HIVEP2: variants seen among roughly 807,000 people sequenced by gnomAD.
HIVEP2 encodes HIVEP zinc finger 2, also known as transcription factor HIVEP2.
HIVEP2 carries 14 observed loss-of-function variants against 180.7 expected under a neutral mutation model. That is an observed-to-expected ratio of 0.08 (90% confidence interval 0.05 to 0.12). HIVEP2 has a LOEUF of 0.12. HIVEP2 is among the 10% of genes least tolerant of loss of function. The pLI, the probability that HIVEP2 is intolerant of heterozygous loss-of-function variation, is 1.00. For synonymous variants in HIVEP2, 1,184 were observed against 1,136.4 expected, an observed-to-expected ratio of 1.04 and a Z score of -0.84; for missense variants, 2,579 against 3,008.5, an observed-to-expected ratio of 0.86 and a Z score of 3.34.
chr6:142,803,598 A>ACACACACACAC (rs1252252380), intron 2 of HIVEP2, among the ~76,000 whole-genome samples: 12 of 41,820 alleles, frequency 2.9e-4, no homozygotes, highest in African/African-American at 7.4e-4. Context: ...CACACACACA[A>ACACACACACAC]AACTCAGGAC....
chr6:142,935,506 G>A (rs181765393), intron 1 of HIVEP2, among the ~76,000 whole-genome samples: 15 of 152,172 alleles, frequency 9.9e-5, no homozygotes, highest in Middle Eastern at 3.4e-3. Context: ...GGCCCAGATC[G>A]CACCACTGCA....
chr6:142,803,566 T>TACACACACACACAC (rs10688831), intron 2 of HIVEP2, among the ~76,000 whole-genome samples: 50,589 of 141,236 alleles, frequency 0.36, 10,268 homozygotes, highest in Non-Finnish European at 0.46. Context: ...ATATATAGCA[T>TACACACACACACAC]ACACACACAC....
chr6:142,813,973 G>A (rs1187364791), intron 2 of HIVEP2, among the ~76,000 whole-genome samples: 1 of 151,830 alleles, frequency 6.6e-6, no homozygotes, highest in Non-Finnish European at 1.5e-5. Context: ...TGATGAATAA[G>A]ACATAGCCCT....
In HIVEP2 at chr6:142,753,600, T is replaced by A; in HGVS notation, c.6848A>T (p.Glu2283Val). ...KDPYVLSKQH[E>V]KRGPHALQSS... ...CTGCAAAGCGTGAGGACCTCGCTTC[T>A]CATGCTGCTTAGAAAGCACATAGGG... Residue 2283 changes from glutamate (E) to valine (V), a missense_variant, in exon 10 of 10, where the codon GAG becomes GTG. By Grantham distance (121) the Glu-to-Val change is moderately radical. Around this residue, in one of 11 missense-constraint regions of HIVEP2, gnomAD observed 660 missense variants for 731.7 expected, o/e 0.90. Coordinates refer to ENST00000367603, the MANE Select transcript of HIVEP2 (RefSeq NM_006734.4). 6.2e-7 allele frequency: 1 copy of A among 1,614,182 alleles called. No homozygotes were observed. The highest frequency in any genetic ancestry group is 8.5e-7 in the Non-Finnish European group (1 of 1,180,022).
intron 2 of HIVEP2, among the ~76,000 whole-genome samples, chr6:142,816,876 GT>G (rs1562247920): frequency 8.0e-4 from 90 of 111,928 alleles, no homozygotes; most frequent in African/African-American, 2.5e-3. Flanking sequence ...ACCAGAGGGT[GT>G]GTGTGTGTGT....
intron 1 of HIVEP2, among the ~76,000 whole-genome samples, chr6:142,845,053 T>C (rs1775473154): frequency 1.3e-5 from 2 of 152,228 alleles, no homozygotes; most frequent in Admixed American, 6.5e-5. Context: ...AGAAAAGAGC[T>C]GGTAAGATTT....
intron 1 of HIVEP2, among the ~76,000 whole-genome samples, chr6:142,907,569 T>C (rs930893012): frequency 6.6e-6 from 1 of 152,200 alleles, no homozygotes; most frequent in Non-Finnish European, 1.5e-5. Flanking sequence ...CCTTTTCACC[T>C]CTGTAATTTG....
intron 1 of HIVEP2, among the ~76,000 whole-genome samples, chr6:142,880,064 G>A (rs1469669387): frequency 6.6e-6 from 1 of 151,886 alleles, no homozygotes; most frequent in African/African-American, 2.4e-5. Flanking sequence ...TCCTATAATG[G>A]TGCTTTTCTT....
At chr6:142,868,429 C>A (rs1776201244) in intron 1 of HIVEP2, among the ~76,000 whole-genome samples, 1 of 152,154 alleles carries the variant, frequency 6.6e-6, no homozygotes, top group Non-Finnish European at 1.5e-5. Flanking sequence ...ATGTCTATAT[C>A]CCTATAATAA....
chr6:142,877,584 G>A (rs1317353855), intron 1 of HIVEP2, among the ~76,000 whole-genome samples: 1 of 151,776 alleles, frequency 6.6e-6, no homozygotes, highest in East Asian at 1.9e-4. Flanking sequence ...CCAATGTATT[G>A]TGCATCATTC....
At chr6:142,801,132 C>A (rs1366554247) in intron 2 of HIVEP2, among the ~76,000 whole-genome samples, 1 of 135,050 alleles carries the variant, frequency 7.4e-6, no homozygotes, top group Non-Finnish European at 1.5e-5. Context: ...CTCTGCAGGT[C>A]AGAAGAGAGG....
At chr6:142,800,193 G>C (rs982710799) in intron 2 of HIVEP2, among the ~76,000 whole-genome samples, 35 of 152,136 alleles carry the variant, frequency 2.3e-4, no homozygotes, top group African/African-American at 8.4e-4. Flanking sequence ...ATTAAACCTA[G>C]GAAGACAGCA....
chr6:142,787,837 T>C (rs1234025306), intron 2 of HIVEP2, among the ~76,000 whole-genome samples: 2 of 152,146 alleles, frequency 1.3e-5, no homozygotes, highest in African/African-American at 2.4e-5. Flanking sequence ...AGAAACATAG[T>C]AGTTTTGGAA....
chr6:142,904,200 A>G (rs1237235805), intron 1 of HIVEP2, among the ~76,000 whole-genome samples: 2 of 152,228 alleles, frequency 1.3e-5, no homozygotes, highest in Non-Finnish European at 1.5e-5. Context: ...GGGAAATTAC[A>G]AAGATGAATT....
Position 142,772,573 on chromosome 6 carries a change from G to A in HIVEP2, c.2166C>T (p.Gly722=). 2 of 1,614,150 alleles carry A rather than the reference G, an allele frequency of 1.2e-6. No individual in the cohort carries two copies. Among genetic ancestry groups the A allele is most frequent in the Admixed American group, 1.7e-5 (1 of 60,028 alleles). ...TGGGGTCATAATCGGAAGCCATGATGCCCACAGGAGTGCTTACAATGCTGC... is the reference window on the plus strand; with the variant it reads ...TGGGGTCATAATCGGAAGCCATGATACCCACAGGAGTGCTTACAATGCTGC... ...ICSSIVSTPV[G]IMASDYDPKL... is the part of the protein sequence containing the mutation. Residue 722 remains glycine (G), a synonymous_variant, in exon 5 of 10, where the codon GGC becomes GGT. Coordinates refer to ENST00000367603, the MANE Select transcript of HIVEP2 (RefSeq NM_006734.4). This position sits in a 1 kb window ranked among gnomAD's most constrained non-coding sequence, Gnocchi z 4.9.
At chr6:142,811,236 C>T (rs184850614) in intron 2 of HIVEP2, among the ~76,000 whole-genome samples, 317 of 152,004 alleles carry the variant, frequency 2.1e-3, no homozygotes, top group African/African-American at 6.6e-3. Flanking sequence ...AGAGAGAAAG[C>T]GCAAACAAGC....
chr6:142,763,527 T>G (rs1775305115), intron 7 of HIVEP2, among the ~76,000 whole-genome samples: 1 of 152,210 alleles, frequency 6.6e-6, no homozygotes, highest in African/African-American at 2.4e-5. Flanking sequence ...GAGGCAGACT[T>G]AATTTGATTT....
intron 5 of HIVEP2, 150 bp downstream of exon 5, chr6:142,769,402 T>A: frequency 1.5e-6 from 1 of 658,214 alleles, no homozygotes; most frequent in South Asian, 2.0e-5. Context: ...CTTCTTCCAC[T>A]CCTGAGTAAG....
chr6:142,763,290 C>T (rs1255347496), intron 7 of HIVEP2, among the ~76,000 whole-genome samples: 2 of 152,046 alleles, frequency 1.3e-5, no homozygotes, highest in East Asian at 1.9e-4. Flanking sequence ...GAAGAAGTGG[C>T]ACAGACAAGG....
Sources: gnomAD v4.1 joint callset for allele counts (sites outside exome capture counted in the v4.1 genomes callset) on GRCh38, gnomAD v4.1.1 for gene constraint, gnomAD v4.1.1 regional missense constraint, Gnocchi (gnomAD v3.1) non-coding constraint, MANE v1.5 for transcripts, NCBI Gene and HGNC (gene_info 2026-07-23, HGNC 2026-07-21) for gene names.